The following PHF24 variants were observed in gnomAD, a reference collection of about 807,000 sequenced individuals.
The protein encoded by PHF24 is PHD finger protein 24, also known as Galpha inhibitory interacting protein.
A neutral mutation model predicts 42.6 loss-of-function variants in PHF24; 25 were observed. The ratio of observed to expected loss-of-function variants is 0.59; its 90% CI spans 0.43 to 0.82. PHF24 has a LOEUF of 0.82. Among genes scored for constraint, PHF24 ranks in the 40% least tolerant of loss-of-function variants. The pLI is 0.00. For missense variants in PHF24, 470 were observed against 538.1 expected (o/e 0.87, Z 1.25); for synonymous variants, 185 against 204.8 (o/e 0.90, Z 0.83).
chr9:34,853,359 C>T, the PHF24 span, among the ~76,000 whole-genome samples: 1 of 152,258 alleles, frequency 6.6e-6, no homozygotes, highest in South Asian at 2.1e-4. Context: ...CTGGATTTGG[C>T]TTGCCAGTAT....
the PHF24 span, among the ~76,000 whole-genome samples, chr9:34,697,204 G>A: frequency 6.6e-6 from 1 of 152,202 alleles, no homozygotes; most frequent in Admixed American, 6.5e-5. Context: ...TCGCTGGCCT[G>A]TTGTAGAACT....
At chr9:34,952,213 G>A in the PHF24 span, among the ~76,000 whole-genome samples, 188 of 152,300 alleles carry the variant, frequency 1.2e-3, no homozygotes, top group African/African-American at 4.4e-3. Flanking sequence ...TAATATGTGA[G>A]TTTAGCAAGG....
the PHF24 span, among the ~76,000 whole-genome samples, chr9:34,736,700 A>G: frequency 6.6e-6 from 1 of 152,254 alleles, no homozygotes; most frequent in Non-Finnish European, 1.5e-5. Context: ...AGACCTAGAC[A>G]TGTATTATTT....
chr9:34,820,519 G>A, the PHF24 span, among the ~76,000 whole-genome samples: 2 of 152,120 alleles, frequency 1.3e-5, no homozygotes, highest in Non-Finnish European at 2.9e-5. Context: ...TATTTGCTGA[G>A]AATAACGGCT....
chr9:34,744,274 G>A, the PHF24 span, among the ~76,000 whole-genome samples: 1 of 152,194 alleles, frequency 6.6e-6, no homozygotes, highest in South Asian at 2.1e-4. Context: ...ATCATCAGTG[G>A]CTTCACTGGA....
chr9:34,834,888 TG>T, the PHF24 span: 1 of 1,400,074 alleles, frequency 7.1e-7, no homozygotes. Context: ...GAGAGATCAT[TG>T]AAGAGAAAAG....
the PHF24 span, chr9:34,895,173 C>A: frequency 2.5e-6 from 1 of 398,134 alleles, no homozygotes; most frequent in South Asian, 1.3e-4. Context: ...ATTTCCTGGT[C>A]TTTTTCTGTG....
the PHF24 span, among the ~76,000 whole-genome samples, chr9:34,755,879 G>A: frequency 6.6e-6 from 1 of 152,070 alleles, no homozygotes; most frequent in East Asian, 1.9e-4. Flanking sequence ...CATTCTGTTG[G>A]TTGTCTATTC....
chr9:34,868,548 C>G, the PHF24 span, among the ~76,000 whole-genome samples: 7 of 152,164 alleles, frequency 4.6e-5, no homozygotes, highest in African/African-American at 1.7e-4. Flanking sequence ...TCTTTTGAGT[C>G]TTCCAAAAAG....
chr9:34,910,886 G>A, the PHF24 span, among the ~76,000 whole-genome samples: 1 of 151,852 alleles, frequency 6.6e-6, no homozygotes, highest in Non-Finnish European at 1.5e-5. Flanking sequence ...GCAGTGGCAG[G>A]AACATAGCTT....
At chr9:34,926,900 G>A in the PHF24 span, among the ~76,000 whole-genome samples, 1 of 152,138 alleles carries the variant, frequency 6.6e-6, no homozygotes, top group Non-Finnish European at 1.5e-5. This position sits in a 1 kb window ranked among gnomAD's most constrained non-coding sequence, Gnocchi z 4.3. Flanking sequence ...TGCTTAGCTG[G>A]TTTGGGGTCG....
chr9:34,721,993 A>G, the PHF24 span, among the ~76,000 whole-genome samples: 1 of 152,114 alleles, frequency 6.6e-6, no homozygotes, highest in Non-Finnish European at 1.5e-5. Flanking sequence ...GTTTCTTAAC[A>G]TAGAAGAGTC....
chr9:34,868,596 G>C, the PHF24 span, among the ~76,000 whole-genome samples: 1 of 152,154 alleles, frequency 6.6e-6, no homozygotes, highest in East Asian at 1.9e-4. Context: ...GAAAGCAAAG[G>C]CTCATCTTTT....
At chr9:34,969,268 T>C (rs1250074749) in intron 1 of PHF24, among the ~76,000 whole-genome samples, 4 of 152,128 alleles carry the variant, frequency 2.6e-5, no homozygotes, top group Non-Finnish European at 5.9e-5. Flanking sequence ...ATTCAACATA[T>C]ACAAAATCCA....
At chr9:34,788,567 G>A in the PHF24 span, among the ~76,000 whole-genome samples, 17 of 152,282 alleles carry the variant, frequency 1.1e-4, no homozygotes, top group African/African-American at 3.9e-4. Flanking sequence ...GGCTGGCCAA[G>A]ATACCAAATA....
chr9:34,970,678 T>C (rs1826941617), intron 1 of PHF24, among the ~76,000 whole-genome samples: 1 of 152,212 alleles, frequency 6.6e-6, no homozygotes. Context: ...CCAGCTTGCT[T>C]TAAGCCTTGA....
the PHF24 span, among the ~76,000 whole-genome samples, chr9:34,949,509 A>G: frequency 1.3e-5 from 2 of 152,190 alleles, no homozygotes; most frequent in African/African-American, 4.8e-5. Context: ...GTATATATCC[A>G]AAGGATTATA....
the PHF24 span, among the ~76,000 whole-genome samples, chr9:34,695,113 C>T: frequency 2.0e-5 from 3 of 152,300 alleles, no homozygotes; most frequent in Admixed American, 2.0e-4. Flanking sequence ...AGAGTTGGAA[C>T]ATTCTCTAAC....
At chr9:34,838,572 G>A in the PHF24 span, 3 of 911,038 alleles carry the variant, frequency 3.3e-6, no homozygotes, top group Non-Finnish European at 5.0e-6. Flanking sequence ...GACTCCCAGT[G>A]CTAGGCCTTG....
Sources: gnomAD v4.1 joint callset for allele counts (sites outside exome capture counted in the v4.1 genomes callset) on GRCh38, gnomAD v4.1.1 for gene constraint, Gnocchi (gnomAD v3.1) non-coding constraint, MANE v1.5 for transcripts, NCBI Gene and HGNC (gene_info 2026-07-23, HGNC 2026-07-21) for gene names.